The following ACBD3 variants were observed in gnomAD, a reference collection of about 807,000 sequenced individuals.
The protein encoded by ACBD3 is Golgi resident protein GCP60.
In ACBD3, 30 loss-of-function variants were observed where a neutral mutation model predicts 66.9. The observed-to-expected ratio is 0.45, with a 90% CI of 0.34 to 0.61. ACBD3 has a LOEUF of 0.61. ACBD3 is among the 20% of genes least tolerant of loss of function. The probability of loss-of-function intolerance (pLI) is 0.02; values close to 1 mark genes in which losing one functional copy is unlikely to be tolerated. For synonymous variants in ACBD3, 278 were observed against 259.8 expected, an observed-to-expected ratio of 1.07 and a Z score of -0.68; for missense variants, 544 against 664.5, an observed-to-expected ratio of 0.82 and a Z score of 1.99.
At chr1:226,186,317 C>T (rs763693927) in intron 1 of ACBD3, 73 bp downstream of exon 1, 2 of 1,443,244 alleles carry the variant, frequency 1.4e-6, no homozygotes, top group Non-Finnish European at 9.1e-7. Context: ...GTCCAGTCAC[C>T]CTGGGGACCA....
At chr1:226,171,695 G>T (rs544478445) in intron 1 of ACBD3, among the ~76,000 whole-genome samples, 76 of 151,460 alleles carry the variant, frequency 5.0e-4, no homozygotes, top group Non-Finnish European at 9.7e-4. Flanking sequence ...GCGCCACCGT[G>T]CCTGGCTAAT....
intron 1 of ACBD3, among the ~76,000 whole-genome samples, chr1:226,169,557 TA>T (rs1201869385): frequency 0.018 from 896 of 50,006 alleles, 16 homozygotes; most frequent in Middle Eastern, 0.074. Flanking sequence ...ACTGCCTGGC[TA>T]TTTTTTTTTT....
chr1:226,151,038 T>G (rs752688485), intron 7 of ACBD3, among the ~76,000 whole-genome samples: 8 of 152,242 alleles, frequency 5.3e-5, no homozygotes, highest in Non-Finnish European at 1.2e-4. Context: ...ATGGCACACC[T>G]GCAGTGTATG....
chr1:226,154,692 G>C lies in ACBD3; in HGVS notation c.1045C>G (p.Leu349Val), dbSNP rs377129629. ...GCTTCTTCTGCAGCTTCTGGTTCCA[G>C]TTCTTTTTCGGAGCTGTCAGTGTGT... The part of the protein sequence containing the change: ...KTHTDSSEKE[L>V]EPEAAEEALE... The change falls in exon 6 of 8, where the codon CTG (leucine) becomes GTG (valine). Residue 349 changes from leucine to valine, a missense_variant. By Grantham distance (32) the Leu-to-Val change is conservative (BLOSUM62 1). This residue lies in a region of ACBD3 where 383 missense variants were observed against 462.4 expected (regional missense o/e 0.83). Transcript: ENST00000366812. 11 of 1,613,258 alleles carry C rather than the reference G, an allele frequency of 6.8e-6. No individual in the cohort carries two copies. The highest frequency in any genetic ancestry group is 9.3e-6 in the Non-Finnish European group (11 of 1,179,638).
At chr1:226,156,770 A>G (rs1429133445) in intron 5 of ACBD3, among the ~76,000 whole-genome samples, 1 of 152,214 alleles carries the variant, frequency 6.6e-6, no homozygotes, top group East Asian at 1.9e-4. Context: ...ACTAGCTTCC[A>G]GAGAAAGTAC....
At chr1:226,164,478 G>A (rs963343624) in intron 3 of ACBD3, among the ~76,000 whole-genome samples, 1 of 152,192 alleles carries the variant, frequency 6.6e-6, no homozygotes, top group Non-Finnish European at 1.5e-5. Context: ...AGAGGATAGG[G>A]AGGAGGGAGT....
chr1:226,154,941 G>T, intron 5 of ACBD3, 108 bp from the exon 6 acceptor site: 1 of 833,816 alleles, frequency 1.2e-6, no homozygotes, highest in Non-Finnish European at 1.7e-6. Flanking sequence ...AAAGTGCTAT[G>T]CTCAAGAAAT....
chr1:226,146,559 T>C lies in ACBD3; in HGVS notation c.*51A>G, dbSNP rs1359165276. On this transcript the variant is annotated 3_prime_UTR_variant, in exon 8 of 8. Coordinates refer to ENST00000366812, the MANE Select transcript of ACBD3 (RefSeq NM_022735.4). The stretch of plus-strand genomic sequence containing the variant: ...CAAAAGTAAAAAGAAATTTCCAAAT[T>C]AAATGTCATCTTCTGCCCAACCCTA... 6.6e-7 allele frequency: 1 copy of C among 1,507,440 alleles called. No individual in the cohort carries two copies. The highest frequency in any genetic ancestry group is 2.3e-5 in the East Asian group (1 of 44,080). The allele number at this position is 1,507,440 out of a possible 1,614,324, so 93.4% of individuals were successfully genotyped here.
chr1:226,156,996 C>T (rs529343341), intron 5 of ACBD3, among the ~76,000 whole-genome samples: 5 of 152,166 alleles, frequency 3.3e-5, no homozygotes, highest in Non-Finnish European at 5.9e-5. Context: ...TATTTCCATA[C>T]TCTCTTCCTG....
chr1:226,169,547 A>T (rs1576237533), intron 1 of ACBD3, among the ~76,000 whole-genome samples: 2 of 118,374 alleles, frequency 1.7e-5, no homozygotes, highest in African/African-American at 3.4e-5. Context: ...CCGCGCCTGG[A>T]CTGCCTGGCT....
chr1:226,146,495 A>G lies in ACBD3; in HGVS notation c.*115T>C, dbSNP rs1659453485. 1 of 843,346 alleles carries G rather than the reference A, an allele frequency of 1.2e-6. No individual in the cohort carries two copies. The highest frequency in any genetic ancestry group is 1.8e-6 in the Non-Finnish European group (1 of 544,466). 52.2% of individuals were successfully genotyped at this position (843,346 alleles called of 1,614,324 possible). On this transcript the variant is annotated 3_prime_UTR_variant, in exon 8 of 8. Coordinates refer to ENST00000366812, the MANE Select transcript of ACBD3 (RefSeq NM_022735.4). ...CCAGCAAGAGTTCACAAACCATCAG[A>G]CCAATATCAATAAGGTAAACTGTGA...
chr1:226,166,182 G>C (rs773131632), intron 1 of ACBD3, among the ~76,000 whole-genome samples, 182 bp from the exon 2 acceptor site: 3 of 152,066 alleles, frequency 2.0e-5, no homozygotes, highest in Non-Finnish European at 4.4e-5. Flanking sequence ...TTTAGACAGA[G>C]TCTCACTCTG....
At chr1:226,158,246 T>G (rs752514824) in intron 5 of ACBD3, among the ~76,000 whole-genome samples, 9 of 152,250 alleles carry the variant, frequency 5.9e-5, no homozygotes, top group African/African-American at 1.2e-4. Context: ...CAGTAAGAAA[T>G]GCTGAGCAAC....
At chr1:226,166,115 C>A (rs375878713) in intron 1 of ACBD3, 115 bp from the exon 2 acceptor site, 4 of 1,165,660 alleles carry the variant, frequency 3.4e-6, no homozygotes, top group Non-Finnish European at 1.2e-6. Context: ...GTAATAGACA[C>A]AAACACTAAT....
chr1:226,154,484 G>A, intron 6 of ACBD3, 163 bp downstream of exon 6: 2 of 729,152 alleles, frequency 2.7e-6, no homozygotes, highest in Non-Finnish European at 2.2e-6. Context: ...ACTGGTCTAT[G>A]AGTCACCAGA....
chr1:226,169,046 A>G (rs984696661), intron 1 of ACBD3, among the ~76,000 whole-genome samples: 11 of 152,044 alleles, frequency 7.2e-5, no homozygotes, highest in Non-Finnish European at 1.5e-4. Flanking sequence ...TATTTTTAGC[A>G]GAGATGGGGT....
At chr1:226,165,329 G>A (rs895269122) in intron 2 of ACBD3, among the ~76,000 whole-genome samples, 9 of 151,816 alleles carry the variant, frequency 5.9e-5, no homozygotes, top group Middle Eastern at 3.2e-3. Flanking sequence ...TGCCACTACC[G>A]CCGGCTAATT....
intron 1 of ACBD3, among the ~76,000 whole-genome samples, chr1:226,185,420 C>A (rs1014945760): frequency 1.2e-4 from 18 of 152,212 alleles, no homozygotes; most frequent in Non-Finnish European, 2.2e-4. Context: ...GGGAAAGTGT[C>A]ATAAATATGC....
rs139925212 is a variant in ACBD3 at position 226,164,650 on chromosome 1, T to C, written c.569+139A>G. The C allele has an allele frequency of 1.1e-3, 1,092 of 1,018,396 alleles. 28 individuals are homozygous for C. The Admixed American group carries it at 0.033, about 30-fold the overall frequency. 63.1% of individuals were successfully genotyped at this position (1,018,396 alleles called of 1,614,324 possible). A position where few individuals can be genotyped will look rare whatever the true frequency, so the allele number is the denominator to read the frequency against. On this transcript the variant is annotated intron_variant, in intron 3 of 7. Coordinates refer to ENST00000366812, the MANE Select transcript of ACBD3 (RefSeq NM_022735.4). ...CAAGTACCTGTTCACATCAGGAAGT[T>C]TGAACAATTGCCACAAGAAATGGGG...
Sources: allele counts gnomAD v4.1 joint callset (sites outside exome capture counted in the v4.1 genomes callset), GRCh38; gene constraint gnomAD v4.1.1; regional missense constraint gnomAD v4.1.1; transcripts MANE v1.5; gene names NCBI Gene and HGNC (gene_info 2026-07-23, HGNC 2026-07-21).